Variants in CDH18 observed in about 807,000 individuals in gnomAD.
CDH18 encodes cadherin 18, also known as cadherin-18.
A neutral mutation model predicts 67.9 loss-of-function variants in CDH18; 31 were observed. The ratio of observed to expected loss-of-function variants is 0.46; its 90% CI spans 0.34 to 0.62. The LOEUF is 0.62. Ranked by LOEUF, CDH18 falls within the 20% of genes least tolerant of loss-of-function variation. The pLI, the probability that CDH18 is intolerant of heterozygous loss-of-function variation, is 0.01. For synonymous variants in CDH18, 362 were observed against 347.2 expected, an observed-to-expected ratio of 1.04 and a Z score of -0.48; for missense variants, 890 against 975.5, an observed-to-expected ratio of 0.91 and a Z score of 1.17.
At chr5:20,005,625 C>CAT (rs751770797) in intron 2 of CDH18, among the ~76,000 whole-genome samples, 6 of 151,526 alleles carry the variant, frequency 4.0e-5, no homozygotes, top group Admixed American at 2.0e-4. Context: ...CATACACACA[C>CAT]ATATATATAT....
chr5:20,296,974 T>G (rs1238745000), intron 1 of CDH18, among the ~76,000 whole-genome samples: 1 of 151,918 alleles, frequency 6.6e-6, no homozygotes, highest in Non-Finnish European at 1.5e-5. Flanking sequence ...TAACTGTAAA[T>G]TTATTTTATA....
At chr5:20,161,943 T>A (rs987414513) in intron 2 of CDH18, among the ~76,000 whole-genome samples, 7 of 151,390 alleles carry the variant, frequency 4.6e-5, no homozygotes, top group African/African-American at 1.7e-4. Context: ...TCTCAGTGAT[T>A]TTTTTTTTCT....
intron 2 of CDH18, among the ~76,000 whole-genome samples, chr5:20,096,918 C>A (rs1746036034): frequency 6.6e-6 from 1 of 152,038 alleles, no homozygotes; most frequent in South Asian, 2.1e-4. Context: ...AGTCACTTTA[C>A]ATGTAGGAAG....
intron 2 of CDH18, among the ~76,000 whole-genome samples, chr5:19,867,453 T>G (rs1211696736): frequency 1.3e-5 from 2 of 152,208 alleles, no homozygotes; most frequent in Non-Finnish European, 2.9e-5. Flanking sequence ...TTTACCCATC[T>G]ATATTTTTAC....
In CDH18 at chr5:19,639,549, C is replaced by T. The variant is rs115143248; in HGVS notation, c.644-26948G>A. ...CCATCACTATGGGACAAAGCGACTA[C>T]ACCCTTGTCCCTCCCACAACCACTT... On this transcript the variant is annotated intron_variant, in intron 5 of 12. Transcript: ENST00000382275. 6.3e-3 allele frequency among the ~76,000 whole-genome samples: 959 copies of T among 152,262 alleles called. 9 individuals are homozygous for T. The highest frequency in any genetic ancestry group is 0.022 in the African/African-American group (919 of 41,546).
chr5:20,342,264 C>CTA (rs1029212155), intron 1 of CDH18, among the ~76,000 whole-genome samples: 1 of 152,066 alleles, frequency 6.6e-6, no homozygotes, highest in Non-Finnish European at 1.5e-5. Flanking sequence ...GCTGGGGACA[C>CTA]TAAGTTTGTA....
chr5:20,531,497 A>T (rs574721935), intron 1 of CDH18, among the ~76,000 whole-genome samples: 1 of 152,116 alleles, frequency 6.6e-6, no homozygotes, highest in Non-Finnish European at 1.5e-5. Context: ...CCAAATGCCC[A>T]TCAATGATAG....
intron 11 of CDH18, among the ~76,000 whole-genome samples, chr5:19,495,572 C>G (rs1041928426): frequency 2.6e-5 from 4 of 151,774 alleles, no homozygotes; most frequent in African/African-American, 9.7e-5. Context: ...GAAACCCCGT[C>G]TCTACTAAAA....
chr5:20,313,713 C>A (rs1737202599), intron 1 of CDH18, among the ~76,000 whole-genome samples: 1 of 151,940 alleles, frequency 6.6e-6, no homozygotes, highest in Non-Finnish European at 1.5e-5. Context: ...ACAGTTAGAA[C>A]ATGGCTTGAT....
At chr5:20,400,623 G>A (rs1224939544) in intron 1 of CDH18, among the ~76,000 whole-genome samples, 1 of 149,540 alleles carries the variant, frequency 6.7e-6, no homozygotes, top group South Asian at 2.1e-4. Flanking sequence ...GCGAGGTGTG[G>A]TGGTGGCACA....
chr5:20,020,786 G>A (rs1456616376), intron 2 of CDH18, among the ~76,000 whole-genome samples: 1 of 152,176 alleles, frequency 6.6e-6, no homozygotes, highest in Non-Finnish European at 1.5e-5. Flanking sequence ...GGGCTGTACA[G>A]AGGATAAATG....
chr5:20,436,193 C>A (rs2150183155), intron 1 of CDH18, among the ~76,000 whole-genome samples: 1 of 152,082 alleles, frequency 6.6e-6, no homozygotes, highest in South Asian at 2.1e-4. Flanking sequence ...ATCCATTTCA[C>A]CCTACTTCCA....
chr5:20,341,203 A>G (rs934585051), intron 1 of CDH18, among the ~76,000 whole-genome samples: 1 of 152,128 alleles, frequency 6.6e-6, no homozygotes, highest in Non-Finnish European at 1.5e-5. Context: ...GGTGTTGCCA[A>G]TGTTGATTAA....
chr5:19,650,414 T>A (rs1755398055), intron 5 of CDH18, among the ~76,000 whole-genome samples: 1 of 152,114 alleles, frequency 6.6e-6, no homozygotes, highest in African/African-American at 2.4e-5. Flanking sequence ...ATTCGTATTG[T>A]AGATTCACAG....
chr5:20,478,571 A>G (rs1028237358), intron 1 of CDH18, among the ~76,000 whole-genome samples: 3 of 152,182 alleles, frequency 2.0e-5, no homozygotes, highest in African/African-American at 7.2e-5. Context: ...CTTGAGTGCC[A>G]GCTCAGAAGC....
At chr5:19,721,060 T>G (rs2150577063) in intron 5 of CDH18, among the ~76,000 whole-genome samples, 1 of 152,350 alleles carries the variant, frequency 6.6e-6, no homozygotes, top group East Asian at 1.9e-4. Context: ...ATATTTGTTT[T>G]AAACACAGAT....
At chr5:19,882,387 A>G (rs1787746522) in intron 2 of CDH18, among the ~76,000 whole-genome samples, 1 of 152,204 alleles carries the variant, frequency 6.6e-6, no homozygotes, top group Admixed American at 6.5e-5. Flanking sequence ...CATATAAGCC[A>G]CATTACCTTG....
chr5:19,854,634 A>T (rs908998815), intron 2 of CDH18, among the ~76,000 whole-genome samples: 2 of 152,138 alleles, frequency 1.3e-5, no homozygotes, highest in African/African-American at 4.8e-5. Flanking sequence ...CGACTAGTAA[A>T]AAGGATTACA....
intron 2 of CDH18, among the ~76,000 whole-genome samples, chr5:20,111,003 T>C (rs925207605): frequency 2.6e-5 from 4 of 152,216 alleles, no homozygotes; most frequent in African/African-American, 7.2e-5. Flanking sequence ...TCTTATTAAT[T>C]AGCAATTAAA....
Sources: allele counts gnomAD v4.1 joint callset (sites outside exome capture counted in the v4.1 genomes callset), GRCh38; gene constraint gnomAD v4.1.1; transcripts MANE v1.5; gene names NCBI Gene and HGNC (gene_info 2026-07-23, HGNC 2026-07-21).